Variants in LOXHD1 observed in about 807,000 individuals in gnomAD.
LOXHD1 encodes the protein lipoxygenase homology domain-containing protein 1.
LOXHD1 carries 205 observed loss-of-function variants against 248.2 expected under a neutral mutation model. The ratio of observed to expected loss-of-function variants is 0.83; its 90% CI spans 0.74 to 0.93. The LOEUF is 0.93. Ranked by LOEUF, LOXHD1 falls within the 40% of genes least tolerant of loss-of-function variation. The pLI, the probability that LOXHD1 is intolerant of heterozygous loss-of-function variation, is 0.00. For missense variants in LOXHD1, 2,930 were observed against 2,971.6 expected, an observed-to-expected ratio of 0.99 and a Z score of 0.33; for synonymous variants, 1,113 against 1,162.8, an observed-to-expected ratio of 0.96 and a Z score of 0.87.
intron 12 of LOXHD1, among the ~76,000 whole-genome samples, chr18:46,580,565 C>T (rs1029956273): frequency 6.6e-6 from 1 of 152,216 alleles, no homozygotes; most frequent in Admixed American, 6.5e-5. Context: ...CACCCCAAAT[C>T]GGTTTACTGA....
In LOXHD1 at chr18:46,507,717, G is replaced by T. The variant is rs1369069402; in HGVS notation, c.5518-5C>A. 1 of 1,547,106 alleles carries T rather than the reference G, an allele frequency of 6.5e-7. No homozygotes were observed. Among genetic ancestry groups the T allele is most frequent in the African/African-American group, 1.4e-5 (1 of 73,072 alleles). ...GTTCATGTTCTTCAGTAGGATCTGG[G>T]GGAGAGGGAGCCACCGTGGGAATGC... is the stretch of plus-strand genomic sequence containing the variant. On this transcript the variant is annotated splice_polypyrimidine_tract_variant and splice_region_variant and intron_variant, in intron 35 of 40. Transcript: ENST00000642948.
intron 5 of LOXHD1, among the ~76,000 whole-genome samples, chr18:46,615,702 TCAAG>T: frequency 6.6e-6 from 1 of 152,310 alleles, no homozygotes; most frequent in Admixed American, 6.5e-5. Context: ...TCCCTTTAGG[TCAAG>T]CTTATTAACT....
At position 46,593,589 on chromosome 18, in the gene LOXHD1, T is replaced by C. The variant is rs2038210765; in HGVS notation, c.1431+11A>G. On this transcript the variant is annotated intron_variant, in intron 10 of 40. Transcript: ENST00000642948. Reference sequence around the variant, plus strand: ...CCTTTCTCCCTCCCATCCATCACAATCCTCTCCTACCCTAAACTTCTCGAT... The same window carrying C: ...CCTTTCTCCCTCCCATCCATCACAACCCTCTCCTACCCTAAACTTCTCGAT... The C allele has an allele frequency of 1.9e-6, 3 of 1,551,990 alleles. No individual in the cohort carries two copies. The East Asian group carries it at 7.3e-5, about 38-fold the overall frequency.
At chr18:46,630,887 G>C (rs1438527180) in intron 4 of LOXHD1, among the ~76,000 whole-genome samples, 6 of 152,138 alleles carry the variant, frequency 3.9e-5, no homozygotes, top group Non-Finnish European at 5.9e-5. Context: ...AGAACATCTC[G>C]AGCAACCTGG....
chr18:46,485,772 C>A lies in LOXHD1; in HGVS notation c.6050-621G>T, dbSNP rs144835836. On this transcript the variant is annotated intron_variant, in intron 38 of 40. Transcript: ENST00000642948. The stretch of plus-strand genomic sequence containing the variant: ...CCATATGACAGAATGTGATAGATAA[C>A]CCTGCAAAAAAGAGCCAAAGTACCG... Among the ~76,000 whole-genome samples the A allele has an allele frequency of 2.2e-3, 336 of 152,192 alleles. 2 individuals carry two copies. The highest frequency in any genetic ancestry group is 7.8e-3 in the African/African-American group (324 of 41,522).
At chr18:46,608,106 AG>A (rs1297120335) in intron 6 of LOXHD1, among the ~76,000 whole-genome samples, 2 of 148,976 alleles carry the variant, frequency 1.3e-5, no homozygotes, top group Non-Finnish European at 3.0e-5. Flanking sequence ...GGGCAGGCAA[AG>A]ACCCTACTCC....
intron 31 of LOXHD1, 65 bp from the exon 32 acceptor site, chr18:46,522,374 TCA>T (rs2035623964): frequency 2.9e-6 from 4 of 1,386,534 alleles, no homozygotes; most frequent in Non-Finnish European, 3.0e-6. Flanking sequence ...CCTCATAGAC[TCA>T]CAGATTTGGA....
chr18:46,610,721 CAAG>C, intron 6 of LOXHD1, 52 bp downstream of exon 6: 1 of 1,494,426 alleles, frequency 6.7e-7, no homozygotes, highest in Non-Finnish European at 8.9e-7. Flanking sequence ...CTCTGAAGAA[CAAG>C]AAGGCCCCCC....
At chr18:46,542,070 C>T (rs1438884055) in intron 24 of LOXHD1, 130 bp from the exon 25 acceptor site, 5 of 838,276 alleles carry the variant, frequency 6.0e-6, no homozygotes, top group African/African-American at 3.4e-5. Flanking sequence ...ATCCCTTTTG[C>T]TTGCAGCATT....
chr18:46,563,504 G>A (rs1223878196), intron 17 of LOXHD1, among the ~76,000 whole-genome samples: 1 of 152,144 alleles, frequency 6.6e-6, no homozygotes, highest in African/African-American at 2.4e-5. Context: ...CCAGGAAGGA[G>A]GAGGAGTCAC....
intron 18 of LOXHD1, 40 bp from the exon 19 acceptor site, chr18:46,560,585 G>A (rs1028691531): frequency 6.7e-6 from 10 of 1,484,374 alleles, no homozygotes; most frequent in Admixed American, 2.1e-5. Context: ...TGGCCCCAGC[G>A]TCCTCCCCAA....
chr18:46,565,432 T>C (rs1265581120), intron 17 of LOXHD1, among the ~76,000 whole-genome samples: 1 of 152,226 alleles, frequency 6.6e-6, no homozygotes, highest in African/African-American at 2.4e-5. Flanking sequence ...CATTATCCTA[T>C]TATTGTCTGT....
intron 12 of LOXHD1, among the ~76,000 whole-genome samples, chr18:46,580,683 G>T (rs2037944179): frequency 6.6e-6 from 1 of 152,188 alleles, no homozygotes; most frequent in South Asian, 2.1e-4. Context: ...TTATGAATAA[G>T]AAAATGTTTT....
Position 46,641,958 on chromosome 18 carries a change from G to A in LOXHD1, c.324C>T (p.Val108=), listed in dbSNP as rs2038967902. 1.3e-6 allele frequency: 2 copies of A among 1,551,710 alleles called. No individual in the cohort carries two copies. Among genetic ancestry groups the A allele is most frequent in the African/African-American group, 2.7e-5 (2 of 73,170 alleles). Residue 108 remains valine (V), a splice_region_variant and synonymous_variant, in exon 3 of 41, where the codon GTC becomes GTT. Coordinates refer to ENST00000642948, the MANE Select transcript of LOXHD1 (RefSeq NM_001384474.1). ...RTNNVGLIYK[V]RIEHDNTGLN... is the part of the protein sequence containing the mutation. Reference sequence around the variant, plus strand: ...CTAGTCAGGCGCCAGCTTCTCACCTGACTTTATAGATGAGGCCCACATTGT... The same window carrying A: ...CTAGTCAGGCGCCAGCTTCTCACCTAACTTTATAGATGAGGCCCACATTGT...
At chr18:46,581,607 T>C (rs72913452) in intron 12 of LOXHD1, among the ~76,000 whole-genome samples, 10,935 of 152,236 alleles carry the variant, frequency 0.072, 504 homozygotes, top group Non-Finnish European at 0.11. Flanking sequence ...ATGGTGAAGA[T>C]ATAGACAAGG....
chr18:46,621,514 G>A (rs565532903), intron 4 of LOXHD1, among the ~76,000 whole-genome samples: 6 of 152,296 alleles, frequency 3.9e-5, no homozygotes, highest in East Asian at 1.9e-4. Context: ...GTTGGCAAAC[G>A]TCAGCTCAGG....
intron 28 of LOXHD1, among the ~76,000 whole-genome samples, chr18:46,530,541 G>A (rs1243299531): frequency 6.6e-6 from 1 of 152,164 alleles, no homozygotes; most frequent in East Asian, 1.9e-4. Flanking sequence ...CTAAGGGCCA[G>A]GCCTCTACTG....
At chr18:46,589,675 G>A (rs2038129680) in intron 12 of LOXHD1, among the ~76,000 whole-genome samples, 2 of 152,188 alleles carry the variant, frequency 1.3e-5, no homozygotes, top group African/African-American at 4.8e-5. Flanking sequence ...ATGGGCCCTT[G>A]ACCGTACTTT....
chr18:46,484,932 C>T, intron 39 of LOXHD1, 87 bp downstream of exon 39: 1 of 1,486,072 alleles, frequency 6.7e-7, no homozygotes, highest in Non-Finnish European at 9.1e-7. Flanking sequence ...ATTTGTGTAC[C>T]TATGGCTCCC....
Sources: allele counts gnomAD v4.1 joint callset (sites outside exome capture counted in the v4.1 genomes callset), GRCh38; gene constraint gnomAD v4.1.1; transcripts MANE v1.5; gene names NCBI Gene and HGNC (gene_info 2026-07-23, HGNC 2026-07-21).